Variants in B4GALNT3 observed in about 807,000 individuals in gnomAD.
B4GALNT3 encodes beta-1,4-N-acetyl-galactosaminyltransferase 3.
B4GALNT3 carries 86 observed loss-of-function variants against 120.2 expected under a neutral mutation model. The observed-to-expected ratio is 0.72, with a 90% CI of 0.60 to 0.86. B4GALNT3 has a LOEUF of 0.86. B4GALNT3 is among the 40% of genes least tolerant of loss of function. The probability of loss-of-function intolerance (pLI) is 0.00; values close to 1 mark genes in which losing one functional copy is unlikely to be tolerated. For missense variants in B4GALNT3, 1,167 were observed against 1,298.9 expected, an observed-to-expected ratio of 0.90 and a Z score of 1.56; for synonymous variants, 518 against 510.4, an observed-to-expected ratio of 1.01 and a Z score of -0.20.
intron 12 of B4GALNT3, 149 bp downstream of exon 12, chr12:552,312 C>T (rs1947093071): frequency 1.3e-6 from 1 of 792,066 alleles, no homozygotes; most frequent in Non-Finnish European, 2.1e-6. Flanking sequence ...CACACACACA[C>T]ACACACACAC....
At chr12:551,296 ATC>A (rs1947079830) in intron 11 of B4GALNT3, among the ~76,000 whole-genome samples, 1 of 152,214 alleles carries the variant, frequency 6.6e-6, no homozygotes, top group South Asian at 2.1e-4. Flanking sequence ...CCGTGATGAT[ATC>A]AGGTGGCCTG....
Position 460,613 on chromosome 12 carries a change from G to A in B4GALNT3, c.169+68G>A. On this transcript the variant is annotated intron_variant, in intron 1 of 19. Transcript: ENST00000266383. The surrounding 1 kb of genome is among the most constrained non-coding windows in gnomAD (Gnocchi z 8.0). ...GCGGCGGCGGCTCCTGCGTTGGGGG[G>A]ACCCGCCTCTCATCCCATCCTCAGA... 3.2e-6 allele frequency: 4 copies of A among 1,266,998 alleles called. No individual in the cohort carries two copies. The highest frequency in any genetic ancestry group is 4.0e-6 in the Non-Finnish European group (4 of 990,660). The allele number at this position is 1,266,998 out of a possible 1,614,324, so 78.5% of individuals were successfully genotyped here. A position where few individuals can be genotyped will look rare whatever the true frequency, so the allele number is the denominator to read the frequency against.
chr12:513,126 CG>C (rs1946614050), intron 1 of B4GALNT3, among the ~76,000 whole-genome samples: 1 of 122,358 alleles, frequency 8.2e-6, no homozygotes, highest in Non-Finnish European at 1.6e-5. Context: ...TTCCACCTTC[CG>C]CCTTCCACCT....
chr12:543,263 G>T lies in B4GALNT3; in HGVS notation c.352-1076G>T, dbSNP rs116734237. On this transcript the variant is annotated intron_variant, in intron 3 of 19. Transcript: ENST00000266383. ...GAATGGGATAGAGTGGGCCGGACCC[G>T]CACAGTGAGAGGAGCACCGGCCCCT... 1,561 of 1,202,698 alleles carry T rather than the reference G, an allele frequency of 1.3e-3. 17 individuals carry two copies. The African/African-American group carries it at 0.019, about 15-fold the overall frequency. 74.5% of individuals were successfully genotyped at this position (1,202,698 alleles called of 1,614,324 possible).
chr12:488,493 G>A (rs1946311649), intron 1 of B4GALNT3, among the ~76,000 whole-genome samples: 1 of 152,114 alleles, frequency 6.6e-6, no homozygotes, highest in Non-Finnish European at 1.5e-5. Flanking sequence ...ATATATAAGT[G>A]AAATGAATTG....
rs551269703 is a variant in B4GALNT3 at position 471,535 on chromosome 12, C to T, written c.169+10990C>T. Among the ~76,000 whole-genome samples, 102 of 151,612 alleles carry T rather than the reference C, an allele frequency of 6.7e-4. No homozygotes were observed. The South Asian group carries it at 0.019, about 28-fold the overall frequency. ...CAGCCTGGCCAACATGGTGAAACCC[C>T]GTCTCTACTAAAAATACAAAAATTA... On this transcript the variant is annotated intron_variant, in intron 1 of 19. Transcript: ENST00000266383.
At position 553,795 on chromosome 12, in the gene B4GALNT3, C is replaced by T. The variant is rs372348045; in HGVS notation, c.1872C>T (p.Tyr624=). 27 of 1,614,084 alleles carry T rather than the reference C, an allele frequency of 1.7e-5. No homozygotes were observed. In the Middle Eastern group the frequency reaches 4.9e-4, roughly 29 times the overall value. The stretch of plus-strand genomic sequence containing the variant: ...AGGATATGAGTGAGGTGTTCGAGTA[C>T]GTACCTGTGTTTGACCCGGTAGTAA... The part of the protein sequence containing the change: ...EEEDMSEVFE[Y]VPVFDPVVNW... The change falls in exon 14 of 20, where the codon TAC becomes TAT. Residue 624 remains tyrosine, a synonymous_variant. Transcript: ENST00000266383.
At chr12:513,127 G>GCCTTCCACCTTCCACCTTCGACCTTCCA (rs1565599162) in intron 1 of B4GALNT3, among the ~76,000 whole-genome samples, 1 of 67,960 alleles carries the variant, frequency 1.5e-5, no homozygotes, top group East Asian at 7.2e-4. Flanking sequence ...TCCACCTTCC[G>GCCTTCCACCTTCCACCTTCGACCTTCCA]CCTTCCACCT....
intron 1 of B4GALNT3, among the ~76,000 whole-genome samples, chr12:513,857 C>CG (rs1946623462): frequency 6.6e-6 from 1 of 152,184 alleles, no homozygotes; most frequent in South Asian, 2.1e-4. Context: ...CCAAAGCATG[C>CG]GGATTACAGG....
In B4GALNT3 at chr12:551,511, A is replaced by T. The variant is rs1210218685; in HGVS notation, c.1107+480A>T. Reference sequence around the variant, plus strand: ...AGGCAGCGTGGCCACTCTCCTGTGCATCCAGATCTAGAGATGATTATAAGG... The same window carrying T: ...AGGCAGCGTGGCCACTCTCCTGTGCTTCCAGATCTAGAGATGATTATAAGG... On this transcript the variant is annotated intron_variant, in intron 11 of 19. Coordinates refer to ENST00000266383, the MANE Select transcript of B4GALNT3 (RefSeq NM_173593.4). Among the ~76,000 whole-genome samples the T allele has an allele frequency of 2.0e-5, 3 of 152,234 alleles. No homozygotes were observed. The East Asian group carries it at 5.8e-4, about 29-fold the overall frequency.
Position 559,363 on chromosome 12 carries a change from A to G in B4GALNT3, c.2830A>G (p.Met944Val). The G allele has an allele frequency of 6.2e-7, 1 of 1,614,064 alleles. No individual in the cohort carries two copies. The highest frequency in any genetic ancestry group is 8.5e-7 in the Non-Finnish European group (1 of 1,179,978). Residue 944 changes from methionine to valine, a missense_variant, in exon 19 of 20, where the codon ATG (methionine) becomes GTG (valine). Met to Val is a conservative substitution (Grantham distance 21, BLOSUM62 1). Transcript: ENST00000266383. The part of the protein sequence containing the change: ...YKSDLDRIGG[M>V]NTKEFRDRWG... ...GTCTGACCTGGACAGGATTGGGGGC[A>G]TGAACACCAAGGAGTTCCGAGACCG...
intron 1 of B4GALNT3, among the ~76,000 whole-genome samples, chr12:504,458 C>A (rs1455436354): frequency 6.6e-6 from 1 of 150,796 alleles, no homozygotes; most frequent in Non-Finnish European, 1.5e-5. Context: ...CGCCCCCCCG[C>A]CCCCGAACTC....
intron 1 of B4GALNT3, among the ~76,000 whole-genome samples, chr12:514,332 G>A (rs1467333818): frequency 1.3e-5 from 2 of 151,918 alleles, no homozygotes; most frequent in Non-Finnish European, 2.9e-5. Flanking sequence ...CAAGTAGCTG[G>A]GACTACAGGT....
chr12:537,340 A>G (rs1393081689), intron 3 of B4GALNT3, among the ~76,000 whole-genome samples: 2 of 152,234 alleles, frequency 1.3e-5, no homozygotes, highest in Admixed American at 6.5e-5. Flanking sequence ...GCTGGAGTAC[A>G]GTGACACAAT....
chr12:511,716 C>A (rs1946567220), intron 1 of B4GALNT3, among the ~76,000 whole-genome samples: 1 of 135,906 alleles, frequency 7.4e-6, no homozygotes, highest in African/African-American at 2.9e-5. Flanking sequence ...CTTCCACCTT[C>A]CGCCTTCCAC....
chr12:556,331 A>T (rs1454988589), intron 14 of B4GALNT3, among the ~76,000 whole-genome samples: 1 of 152,188 alleles, frequency 6.6e-6, no homozygotes, highest in Non-Finnish European at 1.5e-5. Context: ...AAAGACCTTC[A>T]GGATCATCAC....
chr12:489,193 G>A (rs1179110155), intron 1 of B4GALNT3, among the ~76,000 whole-genome samples: 5 of 151,634 alleles, frequency 3.3e-5, no homozygotes, highest in Admixed American at 3.3e-4. Context: ...AGGGGAGGGA[G>A]AGCATTAGGA....
intron 1 of B4GALNT3, among the ~76,000 whole-genome samples, chr12:464,190 G>A (rs934016787): frequency 2.0e-5 from 3 of 152,206 alleles, no homozygotes; most frequent in East Asian, 3.8e-4. Context: ...TAAGTGGTAC[G>A]GCTATCCTGG....
chr12:545,741 A>T (rs1301157850), intron 6 of B4GALNT3, among the ~76,000 whole-genome samples: 23 of 93,018 alleles, frequency 2.5e-4, no homozygotes, highest in East Asian at 7.0e-4. Context: ...AGGAGCGAGG[A>T]GTGGGGAGGA....
Sources: allele counts gnomAD v4.1 joint callset (sites outside exome capture counted in the v4.1 genomes callset), GRCh38; gene constraint gnomAD v4.1.1; non-coding constraint Gnocchi (gnomAD v3.1); transcripts MANE v1.5; gene names NCBI Gene and HGNC (gene_info 2026-07-23, HGNC 2026-07-21).